Variants in ARPP21 observed in about 807,000 individuals in gnomAD.
ARPP21 encodes cAMP-regulated phosphoprotein 21.
In ARPP21, 69 loss-of-function variants were observed where a neutral mutation model predicts 113.2. The ratio of observed to expected loss-of-function variants is 0.61; its 90% CI spans 0.50 to 0.74. The LOEUF is 0.74. ARPP21 is among the 30% of genes least tolerant of loss of function. The pLI is 0.00. For missense variants in ARPP21, 1,070 were observed against 1,037.4 expected, an observed-to-expected ratio of 1.03 and a Z score of -0.43; for synonymous variants, 368 against 375.5, an observed-to-expected ratio of 0.98 and a Z score of 0.23.
At chr3:35,744,564 T>A (rs1249771442) in intron 19 of ARPP21, 1 of 521,000 alleles carries the variant, frequency 1.9e-6, no homozygotes, top group Non-Finnish European at 3.9e-6. Context: ...TGTGTCACAC[T>A]CCTAATGGAA....
intron 19 of ARPP21, among the ~76,000 whole-genome samples, chr3:35,756,699 G>T (rs1307591707): frequency 1.3e-5 from 2 of 152,080 alleles, no homozygotes; most frequent in Admixed American, 1.3e-4. Flanking sequence ...CTGCTTTGGG[G>T]ATTGTTTTGT....
chr3:35,698,357 T>C (rs2084901397), intron 9 of ARPP21, among the ~76,000 whole-genome samples: 1 of 151,610 alleles, frequency 6.6e-6, no homozygotes, highest in East Asian at 1.9e-4. Context: ...TCGAAATTAT[T>C]TATGAGCCTT....
chr3:35,782,162 T>C (rs1383711687), intron 19 of ARPP21, among the ~76,000 whole-genome samples: 1 of 152,222 alleles, frequency 6.6e-6, no homozygotes, highest in East Asian at 1.9e-4. Flanking sequence ...AAAAAATATC[T>C]TACTGAAGCC....
intron 19 of ARPP21, among the ~76,000 whole-genome samples, chr3:35,769,878 T>C (rs373126691): frequency 6.6e-6 from 1 of 152,316 alleles, no homozygotes; most frequent in South Asian, 2.1e-4. Context: ...GAAGGGCATA[T>C]GGTGGTTTGG....
chr3:35,767,429 G>T (rs1001278997), intron 19 of ARPP21, among the ~76,000 whole-genome samples: 1 of 151,818 alleles, frequency 6.6e-6, no homozygotes, highest in Admixed American at 6.6e-5. Flanking sequence ...TTTTTTGTTG[G>T]CCTGACTGAA....
intron 1 of ARPP21, among the ~76,000 whole-genome samples, chr3:35,655,418 A>G (rs1232300578): frequency 6.6e-6 from 1 of 152,008 alleles, no homozygotes; most frequent in Non-Finnish European, 1.5e-5. Flanking sequence ...GGCTAGGATA[A>G]TAGAAGAGAA....
intron 9 of ARPP21, among the ~76,000 whole-genome samples, chr3:35,699,871 CA>C (rs2085619181): frequency 6.6e-6 from 1 of 151,584 alleles, no homozygotes; most frequent in African/African-American, 2.4e-5. Flanking sequence ...CAACAGTTTC[CA>C]AAGAAAACAT....
chr3:35,790,129 C>T (rs574927389), intron 19 of ARPP21, among the ~76,000 whole-genome samples: 1 of 152,090 alleles, frequency 6.6e-6, no homozygotes, highest in South Asian at 2.1e-4. Flanking sequence ...CCATTGAGGC[C>T]AATTGGCCTT....
rs2094419442 is a variant in ARPP21 at position 35,737,352 on chromosome 3, T to C, written c.1634T>C (p.Leu545Pro). 1 of 1,608,680 alleles carries C rather than the reference T, an allele frequency of 6.2e-7. No individual in the cohort carries two copies. Among genetic ancestry groups the C allele is most frequent in the Non-Finnish European group, 8.5e-7 (1 of 1,176,560 alleles). The change falls in exon 16 of 21, where the codon CTG becomes CCG. Residue 545 changes from leucine to proline, a missense_variant. By Grantham distance (98) the Leu-to-Pro change is moderately conservative (BLOSUM62 -3). Transcript: ENST00000684406. The part of the protein sequence containing the change: ...QPPQPQMAGP[L>P]VTQSVQGLQA... ...CCGCAGCCACAGATGGCAGGCCCTC[T>C]GGTCACTCAGGTAGGGGGCTGGTTG...
chr3:35,743,709 G>C, intron 18 of ARPP21, 130 bp from the exon 19 acceptor site: 1 of 873,506 alleles, frequency 1.1e-6, no homozygotes, highest in Non-Finnish European at 1.9e-6. Flanking sequence ...CATACACATA[G>C]GCATGGGAGA....
intron 1 of ARPP21, among the ~76,000 whole-genome samples, chr3:35,649,863 C>T (rs1173412324): frequency 6.6e-6 from 1 of 152,148 alleles, no homozygotes; most frequent in South Asian, 2.1e-4. Context: ...TCACGTTTTA[C>T]CCGATCTATA....
At chr3:35,698,917 G>C (rs1178457912) in intron 9 of ARPP21, among the ~76,000 whole-genome samples, 3 of 151,610 alleles carry the variant, frequency 2.0e-5, no homozygotes, top group African/African-American at 7.2e-5. Flanking sequence ...AATTGCCTTG[G>C]CATACTTAGA....
intron 1 of ARPP21, chr3:35,641,062 G>C (rs1382939201): frequency 6.6e-6 from 1 of 152,156 alleles, no homozygotes; most frequent in Non-Finnish European, 1.5e-5. Flanking sequence ...GGTAAGGACA[G>C]AATCCAAGCC....
At chr3:35,766,748 CT>C (rs1421722767) in intron 19 of ARPP21, among the ~76,000 whole-genome samples, 1 of 152,136 alleles carries the variant, frequency 6.6e-6, no homozygotes, top group Admixed American at 6.6e-5. Flanking sequence ...AGATGCAATG[CT>C]TTCCAAGACT....
At position 35,690,915 on chromosome 3, in the gene ARPP21, T is replaced by C. The variant is rs766561987; in HGVS notation, c.596T>C (p.Val199Ala). 1.9e-6 allele frequency: 3 copies of C among 1,610,856 alleles called. No individual in the cohort carries two copies. Among genetic ancestry groups the C allele is most frequent in the South Asian group, 2.2e-5 (2 of 90,892 alleles). The change falls in exon 9 of 21, where the codon GTC (valine) becomes GCC (alanine). Residue 199 changes from valine (V) to alanine (A), a missense_variant. Physicochemically the swap from Val to Ala is moderately conservative, Grantham distance 64. Coordinates refer to ENST00000684406, the MANE Select transcript of ARPP21 (RefSeq NM_001385562.1). ...PQMSSYQRMLVHRVAAYFGLD... is the reference protein window; with the variant it reads ...PQMSSYQRMLAHRVAAYFGLD... ...ATGTCATCGTATCAGAGGATGCTTG[T>C]CCATCGAGTGGCAGCTTATTTTGGA...
intron 15 of ARPP21, among the ~76,000 whole-genome samples, chr3:35,735,639 C>T (rs1235679696): frequency 1.3e-5 from 2 of 152,204 alleles, no homozygotes; most frequent in East Asian, 1.9e-4. Context: ...CACCATCTCC[C>T]TTATGCCAAG....
At chr3:35,680,208 T>C (rs1182455835) in intron 2 of ARPP21, among the ~76,000 whole-genome samples, 6 of 151,904 alleles carry the variant, frequency 3.9e-5, no homozygotes, top group Non-Finnish European at 7.4e-5. Flanking sequence ...CCCTATCCAA[T>C]GCACTGAGAA....
chr3:35,711,939 C>T (rs1381153930), intron 11 of ARPP21, among the ~76,000 whole-genome samples: 1 of 152,188 alleles, frequency 6.6e-6, no homozygotes, highest in Admixed American at 6.5e-5. Context: ...GTCTTGGACA[C>T]TCAGATCAAC....
chr3:35,785,983 TA>T (rs1188670471), intron 19 of ARPP21, among the ~76,000 whole-genome samples: 3 of 151,842 alleles, frequency 2.0e-5, no homozygotes, highest in Non-Finnish European at 2.9e-5. Flanking sequence ...ATAAATAAGT[TA>T]AAAAAAGACA....
Sources: gnomAD v4.1 joint callset for allele counts (sites outside exome capture counted in the v4.1 genomes callset) on GRCh38, gnomAD v4.1.1 for gene constraint, MANE v1.5 for transcripts, NCBI Gene and HGNC (gene_info 2026-07-23, HGNC 2026-07-21) for gene names.